The following DHX57 variants were observed in gnomAD, a reference collection of about 807,000 sequenced individuals.
DHX57 encodes putative ATP-dependent RNA helicase DHX57.
Under a neutral mutation model 156.2 loss-of-function variants are expected in DHX57, and 105 were observed. The ratio of observed to expected loss-of-function variants is 0.67; its 90% CI spans 0.57 to 0.79. DHX57 has a LOEUF of 0.79. Among genes scored for constraint, DHX57 ranks in the 30% least tolerant of loss-of-function variants. The pLI, the probability that DHX57 is intolerant of heterozygous loss-of-function variation, is 0.00. For missense variants in DHX57, 1,847 were observed against 1,661.9 expected (o/e 1.11, Z -1.94); for synonymous variants, 704 against 595.6 (o/e 1.18, Z -2.65).
Position 38,875,797 on chromosome 2 carries a change from G to T in DHX57, c.-17C>A. 2 of 380,430 alleles carry T rather than the reference G, an allele frequency of 5.3e-6. No homozygotes were observed. Among genetic ancestry groups the T allele is most frequent in the Non-Finnish European group, 4.7e-6 (1 of 214,916 alleles). The allele number at this position is 380,430 out of a possible 1,614,324, so 23.6% of individuals were successfully genotyped here. A position where few individuals can be genotyped will look rare whatever the true frequency, so the allele number is the denominator to read the frequency against. The stretch of plus-strand genomic sequence containing the variant: ...AAGTGGAAGACGTACCTGGCTCGCA[G>T]AGTTGGGTCCCGAGCCGGCTGTCGG... On this transcript the variant is annotated 5_prime_UTR_variant, in exon 1 of 24. It adds an upstream start codon to the 5' untranslated region. Coordinates refer to ENST00000457308, the MANE Select transcript of DHX57 (RefSeq NM_198963.3).
chr2:38,838,417 G>A (rs1671801139), intron 12 of DHX57, among the ~76,000 whole-genome samples: 1 of 152,010 alleles, frequency 6.6e-6, no homozygotes, highest in Admixed American at 6.6e-5. Flanking sequence ...TAGTTTCCCA[G>A]AAAATCCAGC....
rs565413368 is a variant in DHX57, at chr2:38,815,788, G to A, written c.3472-133C>T. On this transcript the variant is annotated intron_variant, in intron 19 of 23. Coordinates refer to ENST00000457308, the MANE Select transcript of DHX57 (RefSeq NM_198963.3). ...AGGCTCAAGTGGATTCATTCCTCAG[G>A]TATGAAGAGGATCTTGTCTGGTCAT... is the stretch of plus-strand genomic sequence containing the variant. 3 of 1,085,000 alleles carry A rather than the reference G, an allele frequency of 2.8e-6. No individual in the cohort carries two copies. In the Admixed American group the frequency reaches 7.5e-5, roughly 27 times the overall value. The allele number at this position is 1,085,000 out of a possible 1,614,324, so 67.2% of individuals were successfully genotyped here.
In DHX57 at chr2:38,843,052, A is replaced by T; in HGVS notation, c.2378T>A (p.Val793Glu). The T allele has an allele frequency of 6.2e-7, 1 of 1,614,186 alleles. No homozygotes were observed. The highest frequency in any genetic ancestry group is 8.5e-7 in the Non-Finnish European group (1 of 1,180,012). Residue 793 changes from valine to glutamate, a missense_variant, in exon 12 of 24, where the codon GTG becomes GAG. Val to Glu is a moderately radical substitution (Grantham distance 121). Transcript: ENST00000457308. ...CTTAAAATCTAACTGTTGATCTGGCACTGCATCTTTGACAGAATCCTGATC... is the reference window on the plus strand; with the variant it reads ...CTTAAAATCTAACTGTTGATCTGGCTCTGCATCTTTGACAGAATCCTGATC... ...LQDQDSVKDA[V>E]PDQQLDFKQL...
chr2:38,865,190 G>T (rs1399110832), intron 2 of DHX57, among the ~76,000 whole-genome samples: 2 of 151,954 alleles, frequency 1.3e-5, no homozygotes, highest in Non-Finnish European at 2.9e-5. Context: ...GGTTGATAAT[G>T]GTTTGGCTGC....
chr2:38,839,168 G>A (rs1339363642), intron 12 of DHX57, among the ~76,000 whole-genome samples: 1 of 151,634 alleles, frequency 6.6e-6, no homozygotes, highest in Non-Finnish European at 1.5e-5. Flanking sequence ...CTAACCTCGT[G>A]ATCCACCCGC....
At chr2:38,855,790 A>C (rs1672866284) in intron 7 of DHX57, among the ~76,000 whole-genome samples, 1 of 152,186 alleles carries the variant, frequency 6.6e-6, no homozygotes. Flanking sequence ...CACCATAATT[A>C]AGTTGTTTTT....
At chr2:38,844,435 C>A (rs1379961449) in intron 11 of DHX57, among the ~76,000 whole-genome samples, 1 of 6,262 alleles carries the variant, frequency 1.6e-4, no homozygotes, top group African/African-American at 1.6e-4. Context: ...TCGAGACCAT[C>A]CCGGCTAAAA....
Position 38,874,401 on chromosome 2 carries a change from ATTTTTTTTTTTT to A in DHX57, c.-7+1374_-7+1385del, listed in dbSNP as rs60727396. The stretch of plus-strand genomic sequence containing the variant: ...CCACTGTGCCTAGTTGAAATACTGT[ATTTTTTTTTTTT>A]TTTTTTTTTTTTTTGAGACAGAGTC... On this transcript the variant is annotated intron_variant, in intron 1 of 23. Transcript: ENST00000457308. Among the ~76,000 whole-genome samples, 391 of 75,484 alleles carry A rather than the reference ATTTTTTTTTTTT, an allele frequency of 5.2e-3. 3 individuals are homozygous for A. Among genetic ancestry groups the A allele is most frequent in the African/African-American group, 0.021 (375 of 18,098 alleles). The allele number at this position is 75,484 out of a possible 152,430, so 49.5% of individuals were successfully genotyped here. A position where few individuals can be genotyped will look rare whatever the true frequency, so the allele number is the denominator to read the frequency against.
chr2:38,857,034 C>A (rs956732819), intron 6 of DHX57: 1 of 153,666 alleles, frequency 6.5e-6, no homozygotes, highest in East Asian at 1.9e-4. Flanking sequence ...TTCTTCCCAA[C>A]AAGAGTCTCT....
chr2:38,869,257 C>G (rs943855516), intron 1 of DHX57, among the ~76,000 whole-genome samples: 3 of 152,180 alleles, frequency 2.0e-5, no homozygotes, highest in Non-Finnish European at 4.4e-5. Flanking sequence ...ACAGATAGCT[C>G]CTAATCTTTT....
At chr2:38,835,452 T>C (rs1671602624) in intron 13 of DHX57, among the ~76,000 whole-genome samples, 1 of 152,228 alleles carries the variant, frequency 6.6e-6, no homozygotes. Flanking sequence ...GTTCCATCAA[T>C]GCTTTGTCCC....
chr2:38,838,117 G>C lies in DHX57; in HGVS notation c.2426-170C>G, dbSNP rs559564778. On this transcript the variant is annotated intron_variant, in intron 12 of 23. Transcript: ENST00000457308. ...TGAACTTTTTTCTTTTCTTTATTTAGAGACAGGGTCTTGCTCTGTCACCCA... is the reference window on the plus strand; with the variant it reads ...TGAACTTTTTTCTTTTCTTTATTTACAGACAGGGTCTTGCTCTGTCACCCA... Among the ~76,000 whole-genome samples the C allele has an allele frequency of 2.0e-5, 3 of 152,002 alleles. No individual in the cohort carries two copies. In the South Asian group the frequency reaches 6.2e-4, roughly 32 times the overall value.
intron 21 of DHX57, chr2:38,811,731 G>A (rs1311392376): frequency 3.3e-6 from 2 of 605,110 alleles, no homozygotes; most frequent in African/African-American, 1.9e-5. Flanking sequence ...CGGGGCCTGG[G>A]GAGCAAAGGC....
At chr2:38,872,966 C>T (rs1261226922) in intron 1 of DHX57, among the ~76,000 whole-genome samples, 1 of 152,044 alleles carries the variant, frequency 6.6e-6, no homozygotes, top group Non-Finnish European at 1.5e-5. Context: ...ATAGACCATA[C>T]TAGGTGATAA....
intron 22 of DHX57, among the ~76,000 whole-genome samples, chr2:38,803,824 C>G (rs1669812568): frequency 6.6e-6 from 1 of 150,396 alleles, no homozygotes; most frequent in Admixed American, 6.7e-5. Flanking sequence ...CTCTGTCACC[C>G]AGGCTGGAGT....
At chr2:38,807,925 C>T (rs1414361985) in intron 21 of DHX57, among the ~76,000 whole-genome samples, 4 of 122,140 alleles carry the variant, frequency 3.3e-5, no homozygotes, top group African/African-American at 9.3e-5. Flanking sequence ...GGATTACAGG[C>T]GTGAGCCACT....
In DHX57 at chr2:38,843,093, G is replaced by A. The variant is rs1355295215; in HGVS notation, c.2337C>T (p.Leu779=). Residue 779 remains leucine (L), a synonymous_variant, in exon 12 of 24, where the codon CTC becomes CTT. Coordinates refer to ENST00000457308, the MANE Select transcript of DHX57 (RefSeq NM_198963.3). ...AATCCTGATCCTGGAGGTGAAGGGA[G>A]AGCCTTAGGTCTTCTTCCACTTCTT... ...AFEEVEEDLR[L]SLHLQDQDSV... is the part of the protein sequence containing the mutation. The A allele has an allele frequency of 1.3e-5, 21 of 1,614,060 alleles. No homozygotes were observed. Among genetic ancestry groups the A allele is most frequent in the Middle Eastern group, 1.6e-4 (1 of 6,082 alleles).
chr2:38,849,328 G>T (rs530088590), intron 9 of DHX57, among the ~76,000 whole-genome samples: 1 of 152,190 alleles, frequency 6.6e-6, no homozygotes, highest in African/African-American at 2.4e-5. Flanking sequence ...ATGCACGGCA[G>T]AATAACACCA....
At chr2:38,854,268 A>C in intron 8 of DHX57, 90 bp from the exon 9 acceptor site, 1 of 1,363,606 alleles carries the variant, frequency 7.3e-7, no homozygotes, top group Non-Finnish European at 1.0e-6. Flanking sequence ...GATAGTGATA[A>C]AAAATATTGG....
Sources: allele counts gnomAD v4.1 joint callset (sites outside exome capture counted in the v4.1 genomes callset), GRCh38; gene constraint gnomAD v4.1.1; transcripts MANE v1.5; gene names NCBI Gene and HGNC (gene_info 2026-07-23, HGNC 2026-07-21).